Variants in HMCN2 observed in about 807,000 individuals in gnomAD.
HMCN2 encodes hemicentin 2.
In HMCN2, 325 loss-of-function variants were observed where a neutral mutation model predicts 377.5. That is an observed-to-expected ratio of 0.86 (90% CI 0.79 to 0.94). The LOEUF (loss-of-function observed/expected upper bound fraction) is 0.94. Ranked by LOEUF, HMCN2 falls within the 40% of genes least tolerant of loss-of-function variation. The pLI is 0.00. For synonymous variants in HMCN2, 2,007 were observed against 2,046.8 expected, an observed-to-expected ratio of 0.98 and a Z score of 0.53; for missense variants, 4,543 against 4,725.3, an observed-to-expected ratio of 0.96 and a Z score of 1.13.
At chr9:130,333,230 G>A (rs1301188366) in intron 22 of HMCN2, among the ~76,000 whole-genome samples, 5 of 152,220 alleles carry the variant, frequency 3.3e-5, no homozygotes, top group African/African-American at 1.2e-4. Flanking sequence ...ACAGCGTAAT[G>A]ACAGGCGTGG....
rs182937057 is a variant in HMCN2, at chr9:130,360,402, C to T, written c.5774-26C>T. Reference sequence around the variant, plus strand: ...CCCCTTGCTTCTCTCTTCCTTTCCCCCTTGCATCTCTCTTCCTTTCCCCAG... The same window carrying T: ...CCCCTTGCTTCTCTCTTCCTTTCCCTCTTGCATCTCTCTTCCTTTCCCCAG... On this transcript the variant is annotated intron_variant, in intron 37 of 97. Transcript: ENST00000683500. This position sits in a 1 kb window ranked among gnomAD's most constrained non-coding sequence, Gnocchi z 4.7. 23 of 1,250,370 alleles carry T rather than the reference C, an allele frequency of 1.8e-5. No homozygotes were observed. The highest frequency in any genetic ancestry group is 2.3e-5 in the Non-Finnish European group (22 of 957,656). The allele number at this position is 1,250,370 out of a possible 1,614,324, so 77.5% of individuals were successfully genotyped here.
Position 130,316,302 on chromosome 9 carries a change from G to A in HMCN2, c.2351-3193G>A, listed in dbSNP as rs920171301. 2.2e-4 allele frequency among the ~76,000 whole-genome samples: 34 copies of A among 152,082 alleles called. 1 individual carries two copies. The highest frequency in any genetic ancestry group is 4.6e-4 in the Admixed American group (7 of 15,276). On this transcript the variant is annotated intron_variant, in intron 15 of 97. Coordinates refer to ENST00000683500, the MANE Select transcript of HMCN2 (RefSeq NM_001291815.2). The stretch of plus-strand genomic sequence containing the variant: ...TTGAGGGCTGGGGAGTTGTGGAGGT[G>A]TCTAGGGGCAGATGGACACAGGGGT...
At position 130,393,999 on chromosome 9, in the gene HMCN2, A is replaced by AC; in HGVS notation, c.10494dup (p.Val3499ArgfsTer8). ...GGAAGCCAGGAGGCATTTCCAGCTG[A>AC]CCGTCATGGGTGGGTCCTCTGGCCT... On this transcript the variant is annotated frameshift_variant, in exon 68 of 98. Coordinates refer to ENST00000683500, the MANE Select transcript of HMCN2 (RefSeq NM_001291815.2). LOFTEE classifies it high-confidence loss of function. This position sits in a 1 kb window ranked among gnomAD's most constrained non-coding sequence, Gnocchi z 5.2. The AC allele has an allele frequency of 1.1e-5, 14 of 1,263,090 alleles. No individual in the cohort carries two copies. Among genetic ancestry groups the AC allele is most frequent in the Non-Finnish European group, 1.3e-5 (13 of 976,578 alleles). 78.2% of individuals were successfully genotyped at this position (1,263,090 alleles called of 1,614,324 possible).
chr9:130,396,137 C>T, intron 72 of HMCN2, 32 bp from the exon 73 acceptor site: 8 of 1,255,574 alleles, frequency 6.4e-6, no homozygotes, highest in Non-Finnish European at 8.3e-6. Flanking sequence ...AGCCACAGCT[C>T]CCAGCACCAC....
rs1839816225 is a variant in HMCN2, at chr9:130,353,030, C to T, written c.4689C>T (p.Asn1563=). 7.7e-7 allele frequency: 1 copy of T among 1,304,116 alleles called. No individual in the cohort carries two copies. Among genetic ancestry groups the T allele is most frequent in the Non-Finnish European group, 1.0e-6 (1 of 988,942 alleles). The allele number at this position is 1,304,116 out of a possible 1,614,324, so 80.8% of individuals were successfully genotyped here. A position where few individuals can be genotyped will look rare whatever the true frequency, so the allele number is the denominator to read the frequency against. ...LCEARGVPTP[N]ITWFKDGALL... ...AGGCTCGAGGAGTGCCCACCCCAAACATCACCTGGTTCAAGGACGGGGCCC... is the reference window on the plus strand; with the variant it reads ...AGGCTCGAGGAGTGCCCACCCCAAATATCACCTGGTTCAAGGACGGGGCCC... Residue 1563 remains asparagine, a synonymous_variant, in exon 31 of 98, where the codon AAC becomes AAT. Coordinates refer to ENST00000683500, the MANE Select transcript of HMCN2 (RefSeq NM_001291815.2).
At chr9:130,387,140 G>A (rs561755256) in intron 61 of HMCN2, among the ~76,000 whole-genome samples, 6 of 152,348 alleles carry the variant, frequency 3.9e-5, no homozygotes, top group South Asian at 2.1e-4. Context: ...CAAGGATGGA[G>A]CACAGATGCT....
intron 25 of HMCN2, among the ~76,000 whole-genome samples, chr9:130,344,554 G>T (rs997116437): frequency 1.3e-5 from 2 of 150,576 alleles, no homozygotes; most frequent in Admixed American, 1.3e-4. Flanking sequence ...GGTATGTGGT[G>T]TTTGGTATGT....
At chr9:130,384,879 G>T in intron 59 of HMCN2, 81 bp downstream of exon 59, 2 of 956,158 alleles carry the variant, frequency 2.1e-6, no homozygotes, top group South Asian at 2.8e-5. Flanking sequence ...AGAGAACATA[G>T]ACAGGAGAGG....
chr9:130,293,279 G>GTTTTTTTTTTTTTTTTTTGTTT (rs1835903536), intron 4 of HMCN2, among the ~76,000 whole-genome samples: 1 of 57,126 alleles, frequency 1.8e-5, no homozygotes, highest in African/African-American at 1.1e-4. Context: ...ACTCACTAAA[G>GTTTTTTTTTTTTTTTTTTGTTT]TTTTTTTTTT....
intron 4 of HMCN2, among the ~76,000 whole-genome samples, chr9:130,291,473 G>A (rs1835762358): frequency 2.0e-5 from 3 of 152,198 alleles, no homozygotes; most frequent in Non-Finnish European, 4.4e-5. Context: ...GCCTCCCAAA[G>A]TGCTGGGATT....
chr9:130,348,813 G>A (rs1039582239), intron 27 of HMCN2, 138 bp downstream of exon 27: 5 of 1,232,212 alleles, frequency 4.1e-6, no homozygotes, highest in African/African-American at 3.1e-5. Context: ...TGGGGTTCAC[G>A]GCAGTGGAGG....
chr9:130,299,133 C>T lies in HMCN2; in HGVS notation c.1121C>T (p.Thr374Met), dbSNP rs997443282. ...GGGAAGCCCCTCCTGACTCTGCCCA[C>T]GAAGCCCCTCTCCAATGGCTCCACC... The part of the protein sequence containing the change: ...SSGKPLLTLP[T>M]KPLSNGSTHQ... The change falls in exon 8 of 98, where the codon ACG (threonine) becomes ATG (methionine). Residue 374 changes from threonine to methionine, a missense_variant. Physicochemically the swap from Thr to Met is moderately conservative, Grantham distance 81. Coordinates refer to ENST00000683500, the MANE Select transcript of HMCN2 (RefSeq NM_001291815.2). 21 of 471,282 alleles carry T rather than the reference C, an allele frequency of 4.5e-5. No homozygotes were observed. The highest frequency in any genetic ancestry group is 6.5e-4 in the Middle Eastern group (2 of 3,078). 29.2% of individuals were successfully genotyped at this position (471,282 alleles called of 1,614,324 possible).
intron 96 of HMCN2, among the ~76,000 whole-genome samples, chr9:130,431,777 C>T (rs1018386149): frequency 6.6e-6 from 1 of 152,230 alleles, no homozygotes; most frequent in African/African-American, 2.4e-5. Flanking sequence ...ACTCACTTCA[C>T]CTCTCTAAGC....
rs200957307 is a variant in HMCN2 at position 130,299,258 on chromosome 9, T to C, written c.1246T>C (p.Ser416Pro). 2.3e-4 allele frequency: 109 copies of C among 470,384 alleles called. No homozygotes were observed. Among genetic ancestry groups the C allele is most frequent in the Non-Finnish European group, 2.2e-4 (49 of 226,692 alleles). 29.1% of individuals were successfully genotyped at this position (470,384 alleles called of 1,614,324 possible). ...TGAGGGAAACCCCCTCCTTCGTGTC[T>C]CTGGAGTGTCCTACAGTGGGGTGGC... is the stretch of plus-strand genomic sequence containing the variant. ...DHEGNPLLRVSGVSYSGVAPG... is the reference protein window; with the variant it reads ...DHEGNPLLRVPGVSYSGVAPG... The change falls in exon 8 of 98, where the codon TCT becomes CCT. Residue 416 changes from serine (S) to proline (P), a missense_variant. This residue lies in a region of HMCN2 where 547 missense variants were observed against 189.9 expected (regional missense o/e 2.88). Coordinates refer to ENST00000683500, the MANE Select transcript of HMCN2 (RefSeq NM_001291815.2).
intron 85 of HMCN2, among the ~76,000 whole-genome samples, chr9:130,416,100 AT>A (rs34382467): frequency 0.01 from 1,357 of 130,594 alleles, 10 homozygotes; most frequent in African/African-American, 0.03. Context: ...TAGAGGCTTT[AT>A]TTTTTTTTTT....
intron 1 of HMCN2, among the ~76,000 whole-genome samples, chr9:130,277,772 CCATCAT>C (rs373075555): frequency 3.1e-5 from 3 of 96,596 alleles, no homozygotes; most frequent in South Asian, 7.4e-4. Flanking sequence ...ATCACCACCA[CCATCAT>C]CATCACCACC....
At chr9:130,313,049 G>A (rs1467013040) in intron 15 of HMCN2, among the ~76,000 whole-genome samples, 2 of 152,192 alleles carry the variant, frequency 1.3e-5, no homozygotes, top group East Asian at 1.9e-4. Context: ...CCATGTCCCT[G>A]TGGCAGAGTT....
At chr9:130,416,946 T>C (rs930090911) in intron 85 of HMCN2, among the ~76,000 whole-genome samples, 7 of 151,962 alleles carry the variant, frequency 4.6e-5, no homozygotes, top group Non-Finnish European at 1.0e-4. Flanking sequence ...GGATTCTCAC[T>C]CTGTTGCCCA....
Position 130,385,779 on chromosome 9 carries a change from G to A in HMCN2, c.9309+17G>A, listed in dbSNP as rs1211922637. The A allele has an allele frequency of 7.7e-7, 1 of 1,299,676 alleles. No homozygotes were observed. The highest frequency in any genetic ancestry group is 1.2e-5 in the South Asian group (1 of 80,936). The allele number at this position is 1,299,676 out of a possible 1,614,324, so 80.5% of individuals were successfully genotyped here. A position where few individuals can be genotyped will look rare whatever the true frequency, so the allele number is the denominator to read the frequency against. The stretch of plus-strand genomic sequence containing the variant: ...GAAGCCCAGGTGAGCAACCCTGGGG[G>A]CACGGGCAGCCATGAGCGCTGCAGG... On this transcript the variant is annotated intron_variant, in intron 60 of 97. Coordinates refer to ENST00000683500, the MANE Select transcript of HMCN2 (RefSeq NM_001291815.2).
Sources: gnomAD v4.1 joint callset for allele counts (sites outside exome capture counted in the v4.1 genomes callset) on GRCh38, gnomAD v4.1.1 for gene constraint, gnomAD v4.1.1 regional missense constraint, Gnocchi (gnomAD v3.1) non-coding constraint, MANE v1.5 for transcripts, NCBI Gene and HGNC (gene_info 2026-07-23, HGNC 2026-07-21) for gene names.